The following MYOCD variants were observed in gnomAD, a reference collection of about 807,000 sequenced individuals.
MYOCD encodes the protein myocardin.
In MYOCD, 32 loss-of-function variants were observed where a neutral mutation model predicts 96.1. That is an observed-to-expected ratio of 0.33 (90% CI 0.25 to 0.45). The LOEUF is 0.45. Ranked by LOEUF, MYOCD falls within the 20% of genes least tolerant of loss-of-function variation. MYOCD has a pLI of 1.00. For missense variants in MYOCD, 1,133 were observed against 1,200.6 expected, an observed-to-expected ratio of 0.94 and a Z score of 0.83; for synonymous variants, 469 against 469.0, an observed-to-expected ratio of 1.00 and a Z score of 0.00.
intron 1 of MYOCD, among the ~76,000 whole-genome samples, chr17:12,693,776 A>C (rs2030602659): frequency 6.6e-6 from 1 of 152,110 alleles, no homozygotes; most frequent in African/African-American, 2.4e-5. Context: ...AAATGAGGAA[A>C]TCAGAATCCA....
intron 11 of MYOCD, among the ~76,000 whole-genome samples, 155 bp downstream of exon 11, chr17:12,756,712 A>G (rs1475230580): frequency 6.6e-6 from 1 of 151,028 alleles, no homozygotes; most frequent in African/African-American, 2.4e-5. Context: ...AAAAAAAAAA[A>G]AAGAATAAAA....
chr17:12,693,623 TAGAATAAAATAAAATAA>T (rs1376648360), intron 1 of MYOCD, among the ~76,000 whole-genome samples: 3,584 of 122,998 alleles, frequency 0.029, 81 homozygotes, highest in African/African-American at 0.061. Flanking sequence ...AAAAATAAAA[TAGAATAAAATAAAATAA>T]AATAAAATAA....
chr17:12,720,067 TC>T (rs2031785119), intron 4 of MYOCD, among the ~76,000 whole-genome samples: 1 of 151,856 alleles, frequency 6.6e-6, no homozygotes, highest in South Asian at 2.1e-4. Flanking sequence ...AAATGGCGTC[TC>T]CCGCTCTTTT....
At chr17:12,704,914 C>G in intron 1 of MYOCD, 1 of 522,140 alleles carries the variant, frequency 1.9e-6, no homozygotes, top group Non-Finnish European at 3.4e-6. Context: ...TATTCTAATT[C>G]TAGTTTGGGA....
At chr17:12,690,143 A>G (rs1045243183) in intron 1 of MYOCD, among the ~76,000 whole-genome samples, 3 of 152,198 alleles carry the variant, frequency 2.0e-5, no homozygotes, top group African/African-American at 7.2e-5. Flanking sequence ...ATGTACTTCA[A>G]ATATAAATAG....
At chr17:12,711,213 A>G (rs979163114) in intron 2 of MYOCD, among the ~76,000 whole-genome samples, 5 of 152,216 alleles carry the variant, frequency 3.3e-5, no homozygotes, top group African/African-American at 1.2e-4. Context: ...TCATGACCCA[A>G]TTTGTCTTTA....
rs532629547 is a variant in MYOCD, at chr17:12,766,626, C to T, written c.*2982C>T. ...GAATTTTATTTTAAATTCTTTTAAA[C>T]TCTTCGTTGTGTCTTTTGTGATGAC... On this transcript the variant is annotated 3_prime_UTR_variant, in exon 14 of 14. Transcript: ENST00000425538. The T allele has an allele frequency of 1.4e-4, 22 of 152,322 alleles. No homozygotes were observed. The highest frequency in any genetic ancestry group is 4.8e-4 in the African/African-American group (20 of 41,574). 9.4% of individuals were successfully genotyped at this position (152,322 alleles called of 1,614,324 possible).
chr17:12,731,760 C>A, intron 5 of MYOCD, among the ~76,000 whole-genome samples: 1 of 152,190 alleles, frequency 6.6e-6, no homozygotes. Flanking sequence ...GACTCCAGAA[C>A]CCAGGGCCTT....
chr17:12,726,354 C>T (rs2031999605), intron 5 of MYOCD, among the ~76,000 whole-genome samples: 2 of 152,172 alleles, frequency 1.3e-5, no homozygotes, highest in Admixed American at 1.3e-4. Context: ...TCCAATAAAA[C>T]TTTATTTACA....
At position 12,768,814 on chromosome 17, in the gene MYOCD, A is replaced by G. The variant is rs561895031; in HGVS notation, c.*5170A>G. On this transcript the variant is annotated 3_prime_UTR_variant, in exon 14 of 14. Transcript: ENST00000425538. Reference sequence around the variant, plus strand: ...GTTGGTCTCTTTGGCTCAATTGAGCATAATCAGAAAGAAATGTGGGTTATT... The same window carrying G: ...GTTGGTCTCTTTGGCTCAATTGAGCGTAATCAGAAAGAAATGTGGGTTATT... The G allele has an allele frequency of 1.3e-5, 2 of 152,132 alleles. No individual in the cohort carries two copies. The highest frequency in any genetic ancestry group is 3.9e-4 in the East Asian group (2 of 5,180). The allele number at this position is 152,132 out of a possible 1,614,324, so 9.4% of individuals were successfully genotyped here. A position where few individuals can be genotyped will look rare whatever the true frequency, so the allele number is the denominator to read the frequency against.
At position 12,677,341 on chromosome 17, in the gene MYOCD, C is replaced by G. The variant is rs981199793; in HGVS notation, c.55+11098C>G. On this transcript the variant is annotated intron_variant, in intron 1 of 13. Coordinates refer to ENST00000425538, the MANE Select transcript of MYOCD (RefSeq NM_001146312.3). The stretch of plus-strand genomic sequence containing the variant: ...CTGAGTGATGAAATAATCTGTACAA[C>G]AAACCCCCATGACACGCGTTTACCT... 3.9e-5 allele frequency among the ~76,000 whole-genome samples: 6 copies of G among 152,070 alleles called. No individual in the cohort carries two copies. In the East Asian group the frequency reaches 1.2e-3, roughly 29 times the overall value.
At chr17:12,688,363 A>G (rs932713292) in intron 1 of MYOCD, among the ~76,000 whole-genome samples, 1 of 152,256 alleles carries the variant, frequency 6.6e-6, no homozygotes, top group Non-Finnish European at 1.5e-5. Context: ...ACAGTTGAGC[A>G]GATAGCCAGA....
At chr17:12,697,359 A>ATTTTTTTTTT (rs71144918) in intron 1 of MYOCD, among the ~76,000 whole-genome samples, 1 of 75,720 alleles carries the variant, frequency 1.3e-5, no homozygotes, top group African/African-American at 6.0e-5. Flanking sequence ...ATATATATAT[A>ATTTTTTTTTT]TTTTTTTTTT....
chr17:12,739,300 C>T lies in MYOCD; in HGVS notation c.689C>T (p.Thr230Ile), dbSNP rs748718627. 1.9e-6 allele frequency: 3 copies of T among 1,606,514 alleles called. No homozygotes were observed. Among genetic ancestry groups the T allele is most frequent in the African/African-American group, 2.7e-5 (2 of 74,738 alleles). The change falls in exon 7 of 14, where the codon ACC becomes ATC. Residue 230 changes from threonine to isoleucine, a missense_variant. By Grantham distance (89) the Thr-to-Ile change is moderately conservative (BLOSUM62 -1). Transcript: ENST00000425538. ...AAGCAGGGGCTTGGCCCCCCCAGCA[C>T]CCCCATAGCCGTGCATGCTGCTGTA... ...AGKQGLGPPS[T>I]PIAVHAAVKS...
intron 4 of MYOCD, among the ~76,000 whole-genome samples, chr17:12,720,652 T>C (rs2031802907): frequency 6.6e-6 from 1 of 152,134 alleles, no homozygotes. Flanking sequence ...ACTATATTCA[T>C]AGTCAGATTC....
rs766158537 is a variant in MYOCD, at chr17:12,758,103, T to G, written c.2221T>G (p.Ser741Ala). The change falls in exon 12 of 14, where the codon TCT becomes GCT. Residue 741 changes from serine (S) to alanine (A), a missense_variant. By Grantham distance (99) the Ser-to-Ala change is moderately conservative. Transcript: ENST00000425538. ...VQQKMAGLHS[S>A]DKVGPKFSIP... The stretch of plus-strand genomic sequence containing the variant: ...CATGCAGATGGCTGGTTTACACTCT[T>G]CTGATAAGGTGGGGCCAAAGTTTTC... The G allele has an allele frequency of 7.4e-6, 12 of 1,613,862 alleles. No individual in the cohort carries two copies. Among genetic ancestry groups the G allele is most frequent in the Non-Finnish European group, 1.0e-5 (12 of 1,179,856 alleles).
chr17:12,676,085 G>A (rs1399222089), intron 1 of MYOCD, among the ~76,000 whole-genome samples: 5 of 149,270 alleles, frequency 3.3e-5, no homozygotes, highest in African/African-American at 9.9e-5. Flanking sequence ...TAGTGGTGGG[G>A]AAAAAAAAAC....
chr17:12,710,952 T>C (rs1031595425), intron 2 of MYOCD, among the ~76,000 whole-genome samples: 53 of 152,158 alleles, frequency 3.5e-4, no homozygotes, highest in African/African-American at 1.2e-3. Context: ...TGAATTTGTC[T>C]TTGTACCCTC....
intron 1 of MYOCD, chr17:12,672,077 A>G (rs925123329): frequency 3.9e-5 from 6 of 152,146 alleles, no homozygotes; most frequent in Admixed American, 6.5e-5. Flanking sequence ...GAATATGTTT[A>G]TATTCCCAGG....
Sources: gnomAD v4.1 joint callset for allele counts (sites outside exome capture counted in the v4.1 genomes callset) on GRCh38, gnomAD v4.1.1 for gene constraint, MANE v1.5 for transcripts, NCBI Gene and HGNC (gene_info 2026-07-23, HGNC 2026-07-21) for gene names.